FCHSD2: variants seen among roughly 807,000 people sequenced by gnomAD.
FCHSD2 encodes F-BAR and double SH3 domains protein 2.
In FCHSD2, 38 loss-of-function variants were observed where a neutral mutation model predicts 108.1. The observed-to-expected ratio is 0.35, with a 90% confidence interval of 0.27 to 0.46. The LOEUF (loss-of-function observed/expected upper bound fraction) is 0.46. Among genes scored for constraint, FCHSD2 ranks in the 20% least tolerant of loss-of-function variants. The pLI is 1.00. For missense variants in FCHSD2, 751 were observed against 897.8 expected, an observed-to-expected ratio of 0.84 and a Z score of 2.09; for synonymous variants, 279 against 314.7, an observed-to-expected ratio of 0.89 and a Z score of 1.20.
At chr11:72,932,113 T>A (rs1856205437) in intron 8 of FCHSD2, among the ~76,000 whole-genome samples, 1 of 152,304 alleles carries the variant, frequency 6.6e-6, no homozygotes, top group Admixed American at 6.5e-5. Context: ...GAAGTGAAGA[T>A]TTACTTTTCC....
At chr11:72,845,463 AAC>A (rs1280413822) in intron 14 of FCHSD2, among the ~76,000 whole-genome samples, 107 of 4,866 alleles carry the variant, frequency 0.022, no homozygotes, top group African/African-American at 0.046. Flanking sequence ...AAAAAAAAAC[AAC>A]AACAAACAAA....
At chr11:73,028,997 A>C (rs1243550096) in intron 3 of FCHSD2, among the ~76,000 whole-genome samples, 2 of 152,160 alleles carry the variant, frequency 1.3e-5, no homozygotes, top group Non-Finnish European at 2.9e-5. Context: ...TCTTCATAGC[A>C]GTGTGAAAAC....
At chr11:72,845,463 A>AAAAAAAAAC (rs1565284565) in intron 14 of FCHSD2, among the ~76,000 whole-genome samples, 1 of 4,866 alleles carries the variant, frequency 2.1e-4, no homozygotes, top group African/African-American at 4.5e-4. Context: ...AAAAAAAAAC[A>AAAAAAAAAC]ACAACAAACA....
At chr11:72,940,823 A>T in intron 8 of FCHSD2, 2 of 885,632 alleles carry the variant, frequency 2.3e-6, no homozygotes, top group Non-Finnish European at 3.8e-6. Flanking sequence ...GCTGGATGCC[A>T]CTGTGGGGCT....
chr11:73,141,076 T>A (rs1312867978), intron 1 of FCHSD2: 2 of 152,296 alleles, frequency 1.3e-5, no homozygotes, highest in Non-Finnish European at 2.9e-5. Context: ...AGTATCCATC[T>A]GTAGGATTAA....
intron 13 of FCHSD2, among the ~76,000 whole-genome samples, chr11:72,852,396 A>G (rs1267544919): frequency 1.3e-5 from 2 of 152,130 alleles, no homozygotes; most frequent in Non-Finnish European, 2.9e-5. Flanking sequence ...TACATAAATC[A>G]TTCTACTATA....
intron 12 of FCHSD2, among the ~76,000 whole-genome samples, chr11:72,879,999 CAA>C (rs541384964): frequency 0.01 from 663 of 63,176 alleles, 4 homozygotes; most frequent in Middle Eastern, 0.027. Flanking sequence ...AATTCTGTCT[CAA>C]AAAAAAAAAA....
chr11:72,983,047 C>A (rs1046004163), intron 8 of FCHSD2, among the ~76,000 whole-genome samples: 1 of 152,078 alleles, frequency 6.6e-6, no homozygotes, highest in South Asian at 2.1e-4. Flanking sequence ...GTAATCCCAG[C>A]ACTTTGGGAG....
At chr11:72,913,453 G>A in intron 9 of FCHSD2, among the ~76,000 whole-genome samples, 1 of 152,200 alleles carries the variant, frequency 6.6e-6, no homozygotes, top group Admixed American at 6.5e-5. Context: ...ATTTTTAGTA[G>A]AGACAGGGTT....
chr11:72,846,045 CAAAT>C (rs199698613), intron 14 of FCHSD2, among the ~76,000 whole-genome samples: 2,743 of 144,498 alleles, frequency 0.019, 90 homozygotes, highest in African/African-American at 0.065. Flanking sequence ...GAAGGGATTA[CAAAT>C]AAATAGATAG....
intron 2 of FCHSD2, among the ~76,000 whole-genome samples, chr11:73,121,179 A>G (rs987687138): frequency 2.0e-5 from 3 of 151,914 alleles, no homozygotes. Flanking sequence ...ACACATACAC[A>G]CACACACACA....
rs575695550 is a variant in FCHSD2 at position 72,840,334 on chromosome 11, A to G, written c.2139+543T>C. Among the ~76,000 whole-genome samples the G allele has an allele frequency of 2.6e-5, 4 of 152,346 alleles. No homozygotes were observed. In the South Asian group the frequency reaches 8.3e-4, roughly 32 times the overall value. On this transcript the variant is annotated intron_variant, in intron 19 of 19. Coordinates refer to ENST00000409418, the MANE Select transcript of FCHSD2 (RefSeq NM_014824.3). ...TGGTATCAAAAGCTAATAGGGGTCAAGGAAAATAAAATTGCAAAGTATCCG... is the reference window on the plus strand; with the variant it reads ...TGGTATCAAAAGCTAATAGGGGTCAGGGAAAATAAAATTGCAAAGTATCCG...
intron 9 of FCHSD2, among the ~76,000 whole-genome samples, chr11:72,920,390 G>C (rs558563726): frequency 6.6e-6 from 1 of 152,278 alleles, no homozygotes; most frequent in Middle Eastern, 3.4e-3. Context: ...GAAAATGTAA[G>C]TTACCCAAAT....
At chr11:72,993,094 C>T (rs1857449826) in intron 5 of FCHSD2, among the ~76,000 whole-genome samples, 1 of 152,006 alleles carries the variant, frequency 6.6e-6, no homozygotes, top group South Asian at 2.1e-4. Flanking sequence ...AAAAAGTGGG[C>T]AAAGGATATG....
chr11:72,841,802 T>G (rs1283654690), intron 17 of FCHSD2, among the ~76,000 whole-genome samples: 1 of 152,238 alleles, frequency 6.6e-6, no homozygotes. Flanking sequence ...ATCACATTAC[T>G]GATTTTAGTT....
rs182153195 is a variant in FCHSD2 at position 72,850,758 on chromosome 11, G to C, written c.1309-869C>G. ...CACTGTTAAGTACTGACTGACAAGG[G>C]CCTCTAAATTTTAACTGATCCTGTT... is the stretch of plus-strand genomic sequence containing the variant. On this transcript the variant is annotated intron_variant, in intron 13 of 19. Coordinates refer to ENST00000409418, the MANE Select transcript of FCHSD2 (RefSeq NM_014824.3). Among the ~76,000 whole-genome samples, 45 of 151,978 alleles carry C rather than the reference G, an allele frequency of 3.0e-4. No homozygotes were observed. The South Asian group carries it at 4.6e-3, about 15-fold the overall frequency.
At chr11:72,951,805 A>C (rs1357502445) in intron 8 of FCHSD2, among the ~76,000 whole-genome samples, 2 of 152,120 alleles carry the variant, frequency 1.3e-5, no homozygotes, top group African/African-American at 4.8e-5. Flanking sequence ...TCTCTTTATA[A>C]ATTCTTAATA....
chr11:72,909,250 T>C (rs1205378135), intron 9 of FCHSD2, among the ~76,000 whole-genome samples: 2 of 152,178 alleles, frequency 1.3e-5, no homozygotes, highest in Non-Finnish European at 2.9e-5. Flanking sequence ...TTGACCGGGC[T>C]GGTCTCCAGC....
intron 2 of FCHSD2, among the ~76,000 whole-genome samples, chr11:73,123,148 C>T (rs1329536801): frequency 6.6e-6 from 1 of 152,198 alleles, no homozygotes; most frequent in Non-Finnish European, 1.5e-5. Flanking sequence ...AACCGCCACT[C>T]TCTTTATCTA....
Sources: gnomAD v4.1 joint callset for allele counts (sites outside exome capture counted in the v4.1 genomes callset) on GRCh38, gnomAD v4.1.1 for gene constraint, MANE v1.5 for transcripts, NCBI Gene and HGNC (gene_info 2026-07-23, HGNC 2026-07-21) for gene names.